The following YWHAE variants were observed in gnomAD, a reference collection of about 807,000 sequenced individuals.
The protein encoded by YWHAE is tyrosine 3-monooxygenase/tryptophan 5-monooxygenase activation protein epsilon, also known as 14-3-3 protein epsilon.
Under a neutral mutation model 30.1 loss-of-function variants are expected in YWHAE, and 4 were observed. That is an observed-to-expected ratio of 0.13 (90% CI 0.07 to 0.30). The LOEUF is 0.30. Among genes scored for constraint, YWHAE ranks in the 10% least tolerant of loss-of-function variants. The pLI, the probability that YWHAE is intolerant of heterozygous loss-of-function variation, is 1.00. For missense variants in YWHAE, 121 were observed against 315.9 expected (o/e 0.38, Z 4.68); for synonymous variants, 118 against 111.8 (o/e 1.06, Z -0.35).
chr17:1,350,106 C>T (rs1343674009), intron 5 of YWHAE, among the ~76,000 whole-genome samples: 1 of 151,980 alleles, frequency 6.6e-6, no homozygotes, highest in Non-Finnish European at 1.5e-5. Context: ...ACATGTGACA[C>T]GACGCCTGGC....
At chr17:1,372,600 G>A (rs933636013) in intron 1 of YWHAE, among the ~76,000 whole-genome samples, 3 of 152,008 alleles carry the variant, frequency 2.0e-5, no homozygotes, top group Non-Finnish European at 4.4e-5. Flanking sequence ...GTTGTTAATC[G>A]GCCTAATTTA....
At chr17:1,366,849 G>A (rs2072953017) in intron 1 of YWHAE, among the ~76,000 whole-genome samples, 1 of 152,112 alleles carries the variant, frequency 6.6e-6, no homozygotes, top group South Asian at 2.1e-4. Context: ...GGCTGAGGCA[G>A]GAGAACTGCT....
chr17:1,389,081 T>C (rs936783032), intron 1 of YWHAE, among the ~76,000 whole-genome samples: 2 of 152,136 alleles, frequency 1.3e-5, no homozygotes, highest in Non-Finnish European at 2.9e-5. Context: ...TCTTACCACC[T>C]TGGCCTCCCA....
intron 1 of YWHAE, among the ~76,000 whole-genome samples, chr17:1,367,111 G>A (rs1175628045): frequency 6.6e-6 from 1 of 152,096 alleles, no homozygotes; most frequent in Non-Finnish European, 1.5e-5. Context: ...TAATAAACAT[G>A]TACCATATGA....
rs2073333473 is a variant in YWHAE at position 1,388,117 on chromosome 17, GGTTTTTTTT to G, written c.64+11921_64+11929del. 2.6e-4 allele frequency among the ~76,000 whole-genome samples: 17 copies of G among 65,110 alleles called. 1 individual carries two copies. Among genetic ancestry groups the G allele is most frequent in the Admixed American group, 1.0e-3 (4 of 3,918 alleles). The allele number at this position is 65,110 out of a possible 152,430, so 42.7% of individuals were successfully genotyped here. On this transcript the variant is annotated intron_variant, in intron 1 of 5. Transcript: ENST00000264335. ...GTAATTTTTGTTTTTTTTTTTGGTT[GGTTTTTTTT>G]TTTTTTTTTTTTTTTTAGTAGAGAC...
intron 1 of YWHAE, among the ~76,000 whole-genome samples, chr17:1,385,222 G>T (rs1169707320): frequency 6.6e-6 from 1 of 151,386 alleles, no homozygotes; most frequent in Non-Finnish European, 1.5e-5. Context: ...AAAGTTAAAG[G>T]TTAAGAAAAA....
rs541641312 is a variant in YWHAE, at chr17:1,361,379, C to G, written c.372-81G>C. The G allele has an allele frequency of 1.3e-4, 152 of 1,185,472 alleles. No homozygotes were observed. The South Asian group carries it at 2.0e-3, about 16-fold the overall frequency. 73.4% of individuals were successfully genotyped at this position (1,185,472 alleles called of 1,614,324 possible). A position where few individuals can be genotyped will look rare whatever the true frequency, so the allele number is the denominator to read the frequency against. Reference sequence around the variant, plus strand: ...TAAAGGAAAATAAGCTAAAATTGTTCTATATTATATAAAATGTGACAAAAA... The same window carrying G: ...TAAAGGAAAATAAGCTAAAATTGTTGTATATTATATAAAATGTGACAAAAA... On this transcript the variant is annotated intron_variant, in intron 3 of 5. Coordinates refer to ENST00000264335, the MANE Select transcript of YWHAE (RefSeq NM_006761.5).
intron 5 of YWHAE, among the ~76,000 whole-genome samples, chr17:1,348,984 C>T (rs537467605): frequency 6.6e-6 from 1 of 151,472 alleles, no homozygotes; most frequent in Admixed American, 6.6e-5. Context: ...CAAGATAGCA[C>T]CACTGCACTC....
intron 4 of YWHAE, among the ~76,000 whole-genome samples, chr17:1,358,950 C>T (rs1365020129): frequency 6.6e-6 from 1 of 150,932 alleles, no homozygotes; most frequent in East Asian, 2.0e-4. Flanking sequence ...GCCTGGCCAA[C>T]ACTGTGAAAC....
intron 1 of YWHAE, among the ~76,000 whole-genome samples, chr17:1,372,222 G>A (rs1420039148): frequency 6.6e-6 from 1 of 152,184 alleles, no homozygotes; most frequent in Non-Finnish European, 1.5e-5. Context: ...CTTTCTATCT[G>A]TAGCTTTCTC....
chr17:1,354,411 G>GC (rs2072692604), intron 4 of YWHAE, 64 bp from the exon 5 acceptor site: 1 of 1,492,972 alleles, frequency 6.7e-7, no homozygotes, highest in African/African-American at 1.4e-5. Flanking sequence ...GAAATGACAT[G>GC]CTAGACAGCA....
In YWHAE at chr17:1,344,326, G is replaced by A. The variant is rs1434218640; in HGVS notation, c.*1121C>T. 1 of 165,540 alleles carries A rather than the reference G, an allele frequency of 6.0e-6. No homozygotes were observed. Among genetic ancestry groups the A allele is most frequent in the East Asian group, 1.2e-4 (1 of 8,076 alleles). The allele number at this position is 165,540 out of a possible 1,614,324, so 10.3% of individuals were successfully genotyped here. A position where few individuals can be genotyped will look rare whatever the true frequency, so the allele number is the denominator to read the frequency against. The stretch of plus-strand genomic sequence containing the variant: ...TAAAATAAATACCATGTTGCTGCCT[G>A]GTCTGGAGGACAAGACACACCATCA... On this transcript the variant is annotated 3_prime_UTR_variant, in exon 6 of 6. Coordinates refer to ENST00000264335, the MANE Select transcript of YWHAE (RefSeq NM_006761.5).
At chr17:1,383,431 C>A (rs8068068) in intron 1 of YWHAE, among the ~76,000 whole-genome samples, 107,251 of 146,870 alleles carry the variant, frequency 0.73, 40,549 homozygotes, top group African/African-American at 0.93. Context: ...TCTGTTGCCC[C>A]GGCTGGAGTG....
At chr17:1,388,126 T>TTTG (rs1567983343) in intron 1 of YWHAE, among the ~76,000 whole-genome samples, 2 of 97,074 alleles carry the variant, frequency 2.1e-5, no homozygotes, top group African/African-American at 4.3e-5. Flanking sequence ...TGGTTTTTTT[T>TTTG]TTTTTTTTTT....
At chr17:1,379,346 G>A (rs1295615235) in intron 1 of YWHAE, among the ~76,000 whole-genome samples, 1 of 151,914 alleles carries the variant, frequency 6.6e-6, no homozygotes, top group Admixed American at 6.6e-5. Flanking sequence ...TTAGCCGGGC[G>A]TGGTGGCACA....
intron 1 of YWHAE, among the ~76,000 whole-genome samples, chr17:1,375,339 GA>G (rs2073106177): frequency 6.6e-6 from 1 of 152,114 alleles, no homozygotes; most frequent in Non-Finnish European, 1.5e-5. Flanking sequence ...AGTAGAGGAT[GA>G]ACTCCAACCA....
intron 1 of YWHAE, chr17:1,399,209 C>T (rs1488022344): frequency 3.3e-5 from 5 of 152,050 alleles, no homozygotes; most frequent in Admixed American, 1.3e-4. Context: ...CCATCAGAAC[C>T]CACGGGTGAT....
At chr17:1,352,529 CTT>C (rs10707421) in intron 5 of YWHAE, among the ~76,000 whole-genome samples, 53 of 144,128 alleles carry the variant, frequency 3.7e-4, no homozygotes, top group Admixed American at 3.5e-4. Context: ...AACGTTATCT[CTT>C]TTTTTTTTTT....
intron 1 of YWHAE, among the ~76,000 whole-genome samples, chr17:1,375,952 T>C (rs765375609): frequency 6.6e-5 from 10 of 152,350 alleles, no homozygotes; most frequent in Non-Finnish European, 1.0e-4. Context: ...CATGCTAAAA[T>C]AGGCACTGTT....
Sources: gnomAD v4.1 joint callset for allele counts (sites outside exome capture counted in the v4.1 genomes callset) on GRCh38, gnomAD v4.1.1 for gene constraint, MANE v1.5 for transcripts, NCBI Gene and HGNC (gene_info 2026-07-23, HGNC 2026-07-21) for gene names.